Variants in LYZL1 observed in about 807,000 individuals in gnomAD.
The protein encoded by LYZL1 is lysozyme-like protein 1.
A neutral mutation model predicts 17.9 loss-of-function variants in LYZL1; 16 were observed. The ratio of observed to expected loss-of-function variants is 0.90; its 90% confidence interval spans 0.61 to 1.36. LYZL1 has a LOEUF of 1.36. LYZL1 is among the 40% of genes most tolerant of loss of function. LYZL1 has a pLI of 0.00. For synonymous variants in LYZL1, 58 were observed against 71.8 expected (o/e 0.81, Z 0.97); for missense variants, 149 against 188.4 (o/e 0.79, Z 1.22).
At chr10:29,309,803 A>G (rs1219541511) in intron 3 of LYZL1, among the ~76,000 whole-genome samples, 3 of 152,110 alleles carry the variant, frequency 2.0e-5, no homozygotes, top group Non-Finnish European at 4.4e-5. Flanking sequence ...GCCTGCGCCT[A>G]TTTCTTTAAG....
At chr10:29,301,532 G>T (rs1835518260) in intron 3 of LYZL1, among the ~76,000 whole-genome samples, 1 of 152,090 alleles carries the variant, frequency 6.6e-6, no homozygotes, top group Non-Finnish European at 1.5e-5. Flanking sequence ...GTCTTGCCTT[G>T]TGTATGATGG....
downstream of LYZL1, among the ~76,000 whole-genome samples, chr10:29,312,166 G>A (rs991954107): frequency 2.6e-5 from 4 of 152,116 alleles, no homozygotes; most frequent in Non-Finnish European, 5.9e-5. Context: ...TTTAGTTGCA[G>A]CTTTTATGCC....
At chr10:29,290,788 C>A (rs1024905632) in intron 1 of LYZL1, among the ~76,000 whole-genome samples, 1 of 151,956 alleles carries the variant, frequency 6.6e-6, no homozygotes, top group Non-Finnish European at 1.5e-5. Flanking sequence ...GGAGTGAGCC[C>A]AGATGGCGCC....
In LYZL1 at chr10:29,289,421, T is replaced by TC. The variant is rs201263001; in HGVS notation, c.-26+191_-26+192insC. ...TCTTTTTTTCTTTTTTCTTTTCTTTTTTTTTTTTTTTTTTAGACAGGGTCT... is the reference window on the plus strand; with the variant it reads ...TCTTTTTTTCTTTTTTCTTTTCTTTTCTTTTTTTTTTTTTTAGACAGGGTCT... On this transcript the variant is annotated intron_variant, in intron 1 of 4. Transcript: ENST00000649382. Among the ~76,000 whole-genome samples, 43 of 147,998 alleles carry TC rather than the reference T, an allele frequency of 2.9e-4. 1 individual carries two copies. The highest frequency in any genetic ancestry group is 1.6e-3 in the East Asian group (8 of 5,114).
intron 3 of LYZL1, among the ~76,000 whole-genome samples, chr10:29,299,062 C>G (rs895138516): frequency 6.6e-6 from 1 of 152,168 alleles, no homozygotes; most frequent in South Asian, 2.1e-4. Flanking sequence ...ATTAGGTTCT[C>G]ATAAGGACCG....
At chr10:29,308,759 G>C (rs1835631289) in intron 3 of LYZL1, among the ~76,000 whole-genome samples, 1 of 152,150 alleles carries the variant, frequency 6.6e-6, no homozygotes, top group African/African-American at 2.4e-5. Flanking sequence ...CAGAGTTCAA[G>C]ACCAGCCTGG....
At chr10:29,318,155 C>T (rs1835752002) in exon 5 of LYZL1, 5 of 985,266 alleles carry the variant, frequency 5.1e-6, no homozygotes, top group Non-Finnish European at 6.0e-6. Context: ...TCACAGGTCC[C>T]TGCTGCTAAG....
chr10:29,297,526 T>C (rs1835462756), intron 3 of LYZL1, among the ~76,000 whole-genome samples: 2 of 152,220 alleles, frequency 1.3e-5, no homozygotes, highest in South Asian at 4.1e-4. Context: ...TTAAATTGCA[T>C]GCCATTCTGA....
rs545512977 is a variant in LYZL1 at position 29,307,657 on chromosome 10, G to A, written c.299-2453G>A. Among the ~76,000 whole-genome samples the A allele has an allele frequency of 2.0e-5, 3 of 152,124 alleles. 1 individual carries two copies. The highest frequency in any genetic ancestry group is 1.3e-4 in the Admixed American group (2 of 15,274). On this transcript the variant is annotated intron_variant, in intron 3 of 4. Coordinates refer to ENST00000649382, the MANE Select transcript of LYZL1 (RefSeq NM_032517.6). ...TTTCCCCCATGTTATAAAACATCCT[G>A]GGAAAACATAATTTAAATGGCTGTT...
chr10:29,312,285 G>A (rs565184045), downstream of LYZL1, among the ~76,000 whole-genome samples: 7 of 152,226 alleles, frequency 4.6e-5, no homozygotes, highest in African/African-American at 1.7e-4. Context: ...AATCAAGCTT[G>A]TCAAACCCAT....
At chr10:29,297,554 T>C (rs10763704) in intron 3 of LYZL1, among the ~76,000 whole-genome samples, 67,414 of 152,032 alleles carry the variant, frequency 0.44, 15,338 homozygotes, top group East Asian at 0.63. Context: ...GATGAAATCT[T>C]GCACCATTCT....
At chr10:29,308,155 A>G (rs546926987) in intron 3 of LYZL1, among the ~76,000 whole-genome samples, 2,275 of 152,278 alleles carry the variant, frequency 0.015, 18 homozygotes, top group African/African-American at 0.026. Context: ...CCTGCTAAGG[A>G]AAGACGTGCT....
chr10:29,290,288 A>G (rs572415977), intron 1 of LYZL1, among the ~76,000 whole-genome samples: 247 of 152,302 alleles, frequency 1.6e-3, no homozygotes, highest in African/African-American at 5.5e-3. Context: ...TTTGGGGAAG[A>G]CATTATTTCA....
intron 2 of LYZL1, 122 bp downstream of exon 2, chr10:29,292,128 A>C (rs1835376985): frequency 1.5e-6 from 2 of 1,336,310 alleles, no homozygotes; most frequent in South Asian, 2.9e-5. Context: ...CACCGCACTC[A>C]GGGGTGGCTG....
chr10:29,310,823 A>C (rs926480112), intron 4 of LYZL1, among the ~76,000 whole-genome samples, 167 bp from the exon 5 acceptor site: 3 of 152,236 alleles, frequency 2.0e-5, no homozygotes, highest in Non-Finnish European at 4.4e-5. Flanking sequence ...ACCAGGAGAC[A>C]AAAGTCTGAA....
At chr10:29,297,595 C>A (rs953599185) in intron 3 of LYZL1, among the ~76,000 whole-genome samples, 1 of 152,212 alleles carries the variant, frequency 6.6e-6, no homozygotes, top group South Asian at 2.1e-4. Flanking sequence ...TAAATTATTT[C>A]TTTGTCCAGC....
At chr10:29,293,122 C>CTT (rs1451187937) in intron 3 of LYZL1, among the ~76,000 whole-genome samples, 5 of 96,836 alleles carry the variant, frequency 5.2e-5, no homozygotes, top group Non-Finnish European at 7.1e-5. Flanking sequence ...TTTTTCTTTT[C>CTT]TTTTCTTTTT....
intron 3 of LYZL1, among the ~76,000 whole-genome samples, chr10:29,308,419 C>A (rs145304893): frequency 9.4e-4 from 143 of 152,336 alleles, no homozygotes; most frequent in Middle Eastern, 3.4e-3. Context: ...CATCCTGCTT[C>A]CTCCACCCCA....
At chr10:29,291,050 T>C (rs1751951) in intron 1 of LYZL1, among the ~76,000 whole-genome samples, 32,779 of 152,020 alleles carry the variant, frequency 0.22, 3,683 homozygotes, top group Middle Eastern at 0.25. Flanking sequence ...ATCCAGTTGA[T>C]CCTTGAACAA....
Sources: gnomAD v4.1 joint callset for allele counts (sites outside exome capture counted in the v4.1 genomes callset) on GRCh38, gnomAD v4.1.1 for gene constraint, MANE v1.5 for transcripts, NCBI Gene and HGNC (gene_info 2026-07-23, HGNC 2026-07-21) for gene names.